The following CROT variants were observed in gnomAD, a reference collection of about 807,000 sequenced individuals.
The protein encoded by CROT is peroxisomal carnitine O-octanoyltransferase.
Under a neutral mutation model 89.2 loss-of-function variants are expected in CROT, and 84 were observed. The ratio of observed to expected loss-of-function variants is 0.94; its 90% CI spans 0.79 to 1.13. The LOEUF (loss-of-function observed/expected upper bound fraction) is 1.13, where lower values mean the gene tolerates loss of function less well. CROT is among the 50% of genes most tolerant of loss of function. The pLI is 0.00. For synonymous variants in CROT, 212 were observed against 239.5 expected (o/e 0.89, Z 1.06); for missense variants, 711 against 727.8 (o/e 0.98, Z 0.27).
chr7:87,397,888 T>C (rs1188582753), intron 17 of CROT, among the ~76,000 whole-genome samples: 1 of 152,228 alleles, frequency 6.6e-6, no homozygotes, highest in Admixed American at 6.5e-5. Context: ...CATATTTCGC[T>C]ATAGAAACTT....
chr7:87,372,510 C>G (rs543819758), intron 7 of CROT, among the ~76,000 whole-genome samples: 1 of 152,306 alleles, frequency 6.6e-6, no homozygotes, highest in Admixed American at 6.5e-5. Context: ...GGGCTGCATT[C>G]AGCCTGTGAC....
At chr7:87,372,869 A>G (rs1806686334) in intron 7 of CROT, among the ~76,000 whole-genome samples, 1 of 152,062 alleles carries the variant, frequency 6.6e-6, no homozygotes, top group Non-Finnish European at 1.5e-5. Flanking sequence ...TGGACATTTG[A>G]GTTGTTTCTA....
intron 2 of CROT, among the ~76,000 whole-genome samples, chr7:87,347,255 C>G (rs2073054840): frequency 6.6e-6 from 1 of 152,180 alleles, no homozygotes; most frequent in African/African-American, 2.4e-5. Flanking sequence ...TTCGCAGGTT[C>G]TGGGGATTAG....
At chr7:87,355,357 C>T (rs770193054) in intron 3 of CROT, among the ~76,000 whole-genome samples, 31 of 152,104 alleles carry the variant, frequency 2.0e-4, no homozygotes, top group Non-Finnish European at 4.3e-4. Flanking sequence ...GCCTTGGCCT[C>T]CCAACGTGCT....
chr7:87,356,678 C>A (rs1179557162), intron 3 of CROT, among the ~76,000 whole-genome samples: 1 of 152,098 alleles, frequency 6.6e-6, no homozygotes, highest in African/African-American at 2.4e-5. Flanking sequence ...AAGATTGCTG[C>A]CTGTTTTAAC....
In CROT at chr7:87,391,691, C is replaced by T. The variant is rs765824864; in HGVS notation, c.1404C>T (p.Ser468=). The T allele has an allele frequency of 4.2e-5, 68 of 1,608,972 alleles. No individual in the cohort carries two copies. Among genetic ancestry groups the T allele is most frequent in the Non-Finnish European group, 3.4e-5 (40 of 1,178,266 alleles). Residue 468 remains serine, a synonymous_variant, in exon 14 of 18, where the codon TCC becomes TCT. Coordinates refer to ENST00000331536, the MANE Select transcript of CROT (RefSeq NM_021151.4). ...TTGAAGCAGTGAGGTGGTGCCAGTC[C>T]ATGCAGGATCCTTCTGTCAATGTGA... ...CTVEAVRWCQ[S]MQDPSVNLRE...
At chr7:87,386,504 A>G (rs1439588979) in intron 13 of CROT, among the ~76,000 whole-genome samples, 1 of 152,194 alleles carries the variant, frequency 6.6e-6, no homozygotes, top group East Asian at 1.9e-4. Flanking sequence ...ATTGGTTACC[A>G]TATCTCCTTT....
intron 17 of CROT, among the ~76,000 whole-genome samples, chr7:87,395,375 A>G (rs1807493437): frequency 6.6e-6 from 1 of 152,174 alleles, no homozygotes; most frequent in Admixed American, 6.5e-5. Context: ...CTCAAATGTT[A>G]ATCTCCTTTG....
intron 17 of CROT, among the ~76,000 whole-genome samples, chr7:87,396,650 G>A (rs1352888000): frequency 6.6e-6 from 1 of 150,514 alleles, no homozygotes; most frequent in Non-Finnish European, 1.5e-5. Flanking sequence ...TCTACCCCAA[G>A]ACTAGACCAC....
At chr7:87,394,427 C>T (rs987845533) in intron 17 of CROT, among the ~76,000 whole-genome samples, 2 of 151,802 alleles carry the variant, frequency 1.3e-5, no homozygotes, top group Admixed American at 1.3e-4. Context: ...GCAAGTGCTC[C>T]CAAGAAGCAG....
chr7:87,345,978 T>C (rs1048267551), intron 1 of CROT, among the ~76,000 whole-genome samples: 1 of 152,186 alleles, frequency 6.6e-6, no homozygotes, highest in African/African-American at 2.4e-5. Flanking sequence ...TGATGGCCTC[T>C]TGAGTGCAGA....
Position 87,375,960 on chromosome 7 carries a change from A to C in CROT, c.876+7A>C. 1 of 1,525,662 alleles carries C rather than the reference A, an allele frequency of 6.6e-7. No homozygotes were observed. 94.5% of individuals were successfully genotyped at this position (1,525,662 alleles called of 1,614,324 possible). A position where few individuals can be genotyped will look rare whatever the true frequency, so the allele number is the denominator to read the frequency against. On this transcript the variant is annotated splice_region_variant and intron_variant, in intron 9 of 17. Transcript: ENST00000331536. The stretch of plus-strand genomic sequence containing the variant: ...ACCAGAGGATTATTCTGAGGTACTT[A>C]ACTACCTTCTCTTTTTTTTTTTATT...
Position 87,369,368 on chromosome 7 carries a change from G to C in CROT, c.548-8G>C. 1 of 1,586,234 alleles carries C rather than the reference G, an allele frequency of 6.3e-7. No individual in the cohort carries two copies. Among genetic ancestry groups the C allele is most frequent in the Non-Finnish European group, 8.6e-7 (1 of 1,164,206 alleles). ...TTTGAGTCTTGTGTTTTCTGTTTCTGTTTCCAGAGAGTGAAGGGCGTTCCC... is the reference window on the plus strand; with the variant it reads ...TTTGAGTCTTGTGTTTTCTGTTTCTCTTTCCAGAGAGTGAAGGGCGTTCCC... On this transcript the variant is annotated splice_region_variant and splice_polypyrimidine_tract_variant and intron_variant, in intron 6 of 17. Transcript: ENST00000331536.
chr7:87,381,969 T>G lies in CROT; in HGVS notation c.1038T>G (p.Ile346Met), dbSNP rs1375013389. The part of the protein sequence containing the change: ...VNISYYVDEK[I>M]FQNEGRWKGS... Reference sequence around the variant, plus strand: ...TCAGTTATTATGTGGATGAGAAAATTTTTCAGAATGAAGGAAGATGGAAGG... The same window carrying G: ...TCAGTTATTATGTGGATGAGAAAATGTTTCAGAATGAAGGAAGATGGAAGG... The change falls in exon 11 of 18, where the codon ATT (isoleucine) becomes ATG (methionine). Residue 346 changes from isoleucine (I) to methionine (M), a missense_variant. Ile to Met is a conservative substitution (Grantham distance 10). Coordinates refer to ENST00000331536, the MANE Select transcript of CROT (RefSeq NM_021151.4). The G allele has an allele frequency of 6.2e-7, 1 of 1,609,796 alleles. No individual in the cohort carries two copies. The highest frequency in any genetic ancestry group is 1.7e-5 in the Admixed American group (1 of 59,894).
intron 6 of CROT, among the ~76,000 whole-genome samples, chr7:87,363,781 A>G (rs1806355661): frequency 6.6e-6 from 1 of 152,240 alleles, no homozygotes; most frequent in Non-Finnish European, 1.5e-5. Context: ...AGACAAGTTT[A>G]TAAGCAGGGA....
chr7:87,386,938 C>T (rs1339533908), intron 13 of CROT, among the ~76,000 whole-genome samples: 1 of 152,114 alleles, frequency 6.6e-6, no homozygotes, highest in Non-Finnish European at 1.5e-5. Flanking sequence ...TGTGAAGGAA[C>T]CCAGCATGGA....
At chr7:87,389,449 G>A (rs6974811) in intron 13 of CROT, among the ~76,000 whole-genome samples, 107,690 of 151,978 alleles carry the variant, frequency 0.71, 39,983 homozygotes, top group Middle Eastern at 0.83. Flanking sequence ...AGCCATAAAA[G>A]AGGATGAGTT....
rs543939001 is a variant in CROT, at chr7:87,375,971, C to T, written c.876+18C>T. On this transcript the variant is annotated intron_variant, in intron 9 of 17. Transcript: ENST00000331536. ...ATTCTGAGGTACTTAACTACCTTCT[C>T]TTTTTTTTTTTATTGCAGATTTTTC... 4.1e-5 allele frequency: 53 copies of T among 1,302,486 alleles called. No homozygotes were observed. The highest frequency in any genetic ancestry group is 1.6e-4 in the South Asian group (10 of 63,160). The allele number at this position is 1,302,486 out of a possible 1,614,324, so 80.7% of individuals were successfully genotyped here.
chr7:87,359,727 T>G, intron 4 of CROT: 6 of 1,009,778 alleles, frequency 5.9e-6, no homozygotes, highest in Non-Finnish European at 5.9e-6. Flanking sequence ...ATTTTCGTAG[T>G]ACAATGGAGA....
Sources: allele counts gnomAD v4.1 joint callset (sites outside exome capture counted in the v4.1 genomes callset), GRCh38; gene constraint gnomAD v4.1.1; transcripts MANE v1.5; gene names NCBI Gene and HGNC (gene_info 2026-07-23, HGNC 2026-07-21).